Variants in STRN3 observed in about 807,000 individuals in gnomAD.
STRN3 encodes striatin 3, also known as striatin-3.
Under a neutral mutation model 95.6 loss-of-function variants are expected in STRN3, and 29 were observed. The observed-to-expected ratio is 0.30, with a 90% CI of 0.23 to 0.41. The LOEUF (loss-of-function observed/expected upper bound fraction) is 0.41. Ranked by LOEUF, STRN3 falls within the 10% of genes least tolerant of loss-of-function variation. STRN3 has a pLI of 1.00. For missense variants in STRN3, 890 were observed against 972.1 expected (o/e 0.92, Z 1.12); for synonymous variants, 331 against 357.6 (o/e 0.93, Z 0.84).
At chr14:30,909,888 A>T (rs575018734) in intron 13 of STRN3, among the ~76,000 whole-genome samples, 1 of 152,316 alleles carries the variant, frequency 6.6e-6, no homozygotes, top group South Asian at 2.1e-4. Flanking sequence ...TCTACTCAAC[A>T]TAATTTATCA....
chr14:30,912,129 T>C lies in STRN3; in HGVS notation c.1428A>G (p.Leu476=), dbSNP rs1896626392. The stretch of plus-strand genomic sequence containing the variant: ...CCCGTACTCCATCAAAATGGCTACG[T>C]AGTGTATACTTGGGATTCCATGTCT... ...FRKTWNPKYT[L]RSHFDGVRAL... The change falls in exon 11 of 18, where the codon CTA becomes CTG. Residue 476 remains leucine (L), a synonymous_variant. Coordinates refer to ENST00000357479, the MANE Select transcript of STRN3 (RefSeq NM_001083893.2). The C allele has an allele frequency of 6.2e-7, 1 of 1,614,076 alleles. No individual in the cohort carries two copies. Among genetic ancestry groups the C allele is most frequent in the East Asian group, 2.2e-5 (1 of 44,866 alleles).
At position 30,929,244 on chromosome 14, in the gene STRN3, C is replaced by T; in HGVS notation, c.1056G>A (p.Lys352=). 1 of 1,613,474 alleles carries T rather than the reference C, an allele frequency of 6.2e-7. No individual in the cohort carries two copies. Among genetic ancestry groups the T allele is most frequent in the Non-Finnish European group, 8.5e-7 (1 of 1,179,686 alleles). Reference sequence around the variant, plus strand: ...CCTTTCGTTCCTTCTTGTACTGTTCCTTCAGTTTACTTATTAGTCCCTGGT... The same window carrying T: ...CCTTTCGTTCCTTCTTGTACTGTTCTTTCAGTTTACTTATTAGTCCCTGGT... The part of the protein sequence containing the change: ...DVDQGLISKL[K]EQYKKERKGK... Residue 352 remains lysine (K), a synonymous_variant, in exon 8 of 18, where the codon AAG becomes AAA. Coordinates refer to ENST00000357479, the MANE Select transcript of STRN3 (RefSeq NM_001083893.2).
intron 1 of STRN3, among the ~76,000 whole-genome samples, chr14:30,999,255 T>C (rs543104497): frequency 6.6e-6 from 1 of 152,246 alleles, no homozygotes; most frequent in Admixed American, 6.5e-5. Context: ...ACTATGTTGC[T>C]CAGGTTAGTC....
At chr14:30,970,734 G>T (rs1203760710) in intron 1 of STRN3, among the ~76,000 whole-genome samples, 1 of 152,214 alleles carries the variant, frequency 6.6e-6, no homozygotes, top group Non-Finnish European at 1.5e-5. Flanking sequence ...GATGGTAAAA[G>T]TTAAAGACTT....
chr14:30,991,679 G>A (rs1386028929), intron 1 of STRN3, among the ~76,000 whole-genome samples: 2 of 152,102 alleles, frequency 1.3e-5, no homozygotes, highest in African/African-American at 4.8e-5. Context: ...AGAATGGCTG[G>A]AACTTTATTT....
intron 6 of STRN3, among the ~76,000 whole-genome samples, chr14:30,936,204 C>T (rs1459871289): frequency 1.3e-5 from 2 of 152,190 alleles, no homozygotes; most frequent in Non-Finnish European, 2.9e-5. Context: ...CAGACTTCAG[C>T]AGTGATTCTC....
chr14:30,980,463 A>G (rs1253793501), intron 1 of STRN3, among the ~76,000 whole-genome samples: 1 of 151,444 alleles, frequency 6.6e-6, no homozygotes, highest in Non-Finnish European at 1.5e-5. Context: ...GCTGGAGTGC[A>G]GTGGCACAAT....
At chr14:31,018,087 A>G (rs1883328706) in intron 1 of STRN3, among the ~76,000 whole-genome samples, 1 of 151,376 alleles carries the variant, frequency 6.6e-6, no homozygotes, top group South Asian at 2.1e-4. Context: ...TCAATTTAAA[A>G]AAAAAAAAAA....
At chr14:30,952,214 A>G (rs528995130) in intron 3 of STRN3, among the ~76,000 whole-genome samples, 6 of 152,328 alleles carry the variant, frequency 3.9e-5, no homozygotes, top group Non-Finnish European at 7.3e-5. Flanking sequence ...TGACATTTAT[A>G]TCACAGAAAT....
intron 14 of STRN3, 42 bp from the exon 15 acceptor site, chr14:30,905,600 T>C (rs1348091238): frequency 1.2e-5 from 18 of 1,550,664 alleles, no homozygotes; most frequent in Non-Finnish European, 1.0e-5. Context: ...CAAAGTAAAA[T>C]TACTATGAAA....
intron 7 of STRN3, among the ~76,000 whole-genome samples, chr14:30,934,720 A>G (rs1878730971): frequency 6.6e-6 from 1 of 152,100 alleles, no homozygotes; most frequent in South Asian, 2.1e-4. Context: ...ATTACTTTCT[A>G]ATTACTAATT....
At chr14:30,980,005 C>G (rs965841711) in intron 1 of STRN3, among the ~76,000 whole-genome samples, 3 of 151,422 alleles carry the variant, frequency 2.0e-5, no homozygotes, top group African/African-American at 7.3e-5. Context: ...TCCCAACCAC[C>G]TTGGGAGGCC....
chr14:30,991,735 G>A (rs1881964350), intron 1 of STRN3, among the ~76,000 whole-genome samples: 1 of 152,046 alleles, frequency 6.6e-6, no homozygotes, highest in Admixed American at 6.6e-5. Flanking sequence ...GGGTAGAGGA[G>A]AGGAGGAGGA....
chr14:31,002,894 A>T (rs950366760), intron 1 of STRN3, among the ~76,000 whole-genome samples: 9 of 152,178 alleles, frequency 5.9e-5, no homozygotes, highest in African/African-American at 2.2e-4. Flanking sequence ...CAAGAAGAAA[A>T]GAGTTCTGGA....
At position 30,894,898 on chromosome 14, in the gene STRN3, T is replaced by TC. The variant is rs1420270689; in HGVS notation, c.*512_*513insG. Reference sequence around the variant, plus strand: ...TTAAGTTAAATTTTCTTTTTCTTTTTTTTTTTTTTTAAAGCAAAATAAGTT... The same window carrying TC: ...TTAAGTTAAATTTTCTTTTTCTTTTTCTTTTTTTTTTAAAGCAAAATAAGTT... On this transcript the variant is annotated 3_prime_UTR_variant, in exon 18 of 18. Transcript: ENST00000357479. The TC allele has an allele frequency of 5.9e-5, 62 of 1,050,060 alleles. No homozygotes were observed. The highest frequency in any genetic ancestry group is 1.3e-4 in the East Asian group (2 of 15,036). The allele number at this position is 1,050,060 out of a possible 1,614,324, so 65.0% of individuals were successfully genotyped here. A position where few individuals can be genotyped will look rare whatever the true frequency, so the allele number is the denominator to read the frequency against.
In STRN3 at chr14:30,955,493, C is replaced by G. The variant is rs537328929; in HGVS notation, c.460+127G>C. 23 of 727,516 alleles carry G rather than the reference C, an allele frequency of 3.2e-5. No homozygotes were observed. The African/African-American group carries it at 3.2e-4, about 10-fold the overall frequency. The allele number at this position is 727,516 out of a possible 1,614,324, so 45.1% of individuals were successfully genotyped here. A position where few individuals can be genotyped will look rare whatever the true frequency, so the allele number is the denominator to read the frequency against. The stretch of plus-strand genomic sequence containing the variant: ...CTTTTATTCATTTAATATTTTTTCC[C>G]AAATTCTAGACAGTTTACAATAGTC... On this transcript the variant is annotated intron_variant, in intron 3 of 17. Coordinates refer to ENST00000357479, the MANE Select transcript of STRN3 (RefSeq NM_001083893.2).
intron 8 of STRN3, 32 bp downstream of exon 8, chr14:30,929,169 C>T: frequency 1.3e-6 from 2 of 1,536,300 alleles, no homozygotes; most frequent in South Asian, 1.3e-5. Flanking sequence ...TATTGGTATA[C>T]AAAAATTATA....
rs771473688 is a variant in STRN3, at chr14:30,919,102, G to A, written c.1104C>T (p.Ala368=). The A allele has an allele frequency of 5.6e-6, 9 of 1,600,932 alleles. No homozygotes were observed. The highest frequency in any genetic ancestry group is 7.7e-6 in the Non-Finnish European group (9 of 1,172,736). ...TCATGTCGTAGAGTTTTGTCCTGTT[G>A]GCCCCTGTAAATTAATGTCAGCAGT... ...ERKGKKGVKR[A]NRTKLYDMIA... is the part of the protein sequence containing the mutation. Residue 368 remains alanine, a synonymous_variant, in exon 9 of 18, where the codon GCC becomes GCT. Coordinates refer to ENST00000357479, the MANE Select transcript of STRN3 (RefSeq NM_001083893.2).
At chr14:30,946,409 T>A (rs573713379) in intron 5 of STRN3, among the ~76,000 whole-genome samples, 1 of 151,964 alleles carries the variant, frequency 6.6e-6, no homozygotes, top group African/African-American at 2.4e-5. Context: ...CTGGGCATAG[T>A]GGCGCATGCC....
Sources: gnomAD v4.1 joint callset for allele counts (sites outside exome capture counted in the v4.1 genomes callset) on GRCh38, gnomAD v4.1.1 for gene constraint, MANE v1.5 for transcripts, NCBI Gene and HGNC (gene_info 2026-07-23, HGNC 2026-07-21) for gene names.